The following TAFA2 variants were observed in gnomAD, a reference collection of about 807,000 sequenced individuals.
TAFA2 encodes the protein chemokine-like protein TAFA-2.
TAFA2 carries 7 observed loss-of-function variants against 18.8 expected under a neutral mutation model. The ratio of observed to expected loss-of-function variants is 0.37; its 90% CI spans 0.21 to 0.70. The LOEUF is 0.70. Ranked by LOEUF, TAFA2 falls within the 30% of genes least tolerant of loss-of-function variation. The pLI, the probability that TAFA2 is intolerant of heterozygous loss-of-function variation, is 0.53. For synonymous variants in TAFA2, 60 were observed against 54.2 expected, an observed-to-expected ratio of 1.11 and a Z score of -0.47; for missense variants, 122 against 158.1, an observed-to-expected ratio of 0.77 and a Z score of 1.23.
At chr12:61,815,617 C>T (rs1332151438) in intron 2 of TAFA2, among the ~76,000 whole-genome samples, 6 of 148,846 alleles carry the variant, frequency 4.0e-5, no homozygotes, top group African/African-American at 1.3e-4. Context: ...GAGCCGAGAT[C>T]GTGCCACTGC....
intron 1 of TAFA2, among the ~76,000 whole-genome samples, chr12:61,923,993 G>A (rs1877169796): frequency 6.6e-6 from 1 of 150,882 alleles, no homozygotes; most frequent in African/African-American, 2.4e-5. Context: ...ATCAGAGATT[G>A]AAGATCAACA....
intron 1 of TAFA2, among the ~76,000 whole-genome samples, chr12:61,947,249 T>C (rs1310551308): frequency 1.4e-5 from 2 of 145,496 alleles, no homozygotes; most frequent in African/African-American, 5.1e-5. Flanking sequence ...TAGGTGGGAA[T>C]TGAACAATGA....
At chr12:61,786,479 G>T (rs948586920) in intron 2 of TAFA2, among the ~76,000 whole-genome samples, 5 of 151,458 alleles carry the variant, frequency 3.3e-5, no homozygotes, top group Admixed American at 6.6e-5. Flanking sequence ...GTCCTATAAT[G>T]AAAATAAATT....
At chr12:61,849,731 T>C (rs1873562810) in intron 2 of TAFA2, among the ~76,000 whole-genome samples, 1 of 152,174 alleles carries the variant, frequency 6.6e-6, no homozygotes. Context: ...CTAGTGTGAC[T>C]GAACAAAAAT....
At chr12:61,744,137 C>G (rs186615003) in intron 4 of TAFA2, among the ~76,000 whole-genome samples, 1 of 152,174 alleles carries the variant, frequency 6.6e-6, no homozygotes, top group East Asian at 1.9e-4. Flanking sequence ...AGGTAAGAGA[C>G]AGAAATATTG....
At chr12:62,056,485 A>C (rs1882191003) in intron 1 of TAFA2, among the ~76,000 whole-genome samples, 1 of 152,244 alleles carries the variant, frequency 6.6e-6, no homozygotes, top group African/African-American at 2.4e-5. Context: ...AGTCAGTGAT[A>C]GTGTATTGGT....
intron 1 of TAFA2, among the ~76,000 whole-genome samples, chr12:61,876,719 A>G (rs1294465169): frequency 1.3e-5 from 2 of 152,122 alleles, no homozygotes; most frequent in Non-Finnish European, 2.9e-5. Flanking sequence ...AAAAAAAAAG[A>G]TAGTAGTTAT....
At chr12:61,932,248 T>C (rs535620552) in intron 1 of TAFA2, among the ~76,000 whole-genome samples, 123 of 152,290 alleles carry the variant, frequency 8.1e-4, no homozygotes, top group African/African-American at 2.8e-3. Flanking sequence ...ACTGGTGCCA[T>C]TTATGGCAAA....
intron 4 of TAFA2, among the ~76,000 whole-genome samples, chr12:61,731,093 G>A (rs1226306936): frequency 1.3e-5 from 2 of 152,058 alleles, no homozygotes; most frequent in African/African-American, 4.8e-5. Flanking sequence ...TGGGGACTGG[G>A]AGTACCTCCA....
At chr12:62,151,905 G>A (rs2062331340) in intron 1 of TAFA2, among the ~76,000 whole-genome samples, 1 of 152,202 alleles carries the variant, frequency 6.6e-6, no homozygotes. Flanking sequence ...CAGTTACCTA[G>A]TGAACTAGTG....
chr12:62,052,380 T>TG (rs1882080011), intron 1 of TAFA2, among the ~76,000 whole-genome samples: 2 of 152,070 alleles, frequency 1.3e-5, no homozygotes. Context: ...GTTGTACAGA[T>TG]GGAGTCTCAC....
intron 1 of TAFA2, among the ~76,000 whole-genome samples, chr12:62,239,678 G>C (rs569846082): frequency 1.3e-5 from 2 of 152,282 alleles, no homozygotes; most frequent in African/African-American, 4.8e-5. Flanking sequence ...GAGGCCATGT[G>C]TAAGTGATCC....
intron 1 of TAFA2, among the ~76,000 whole-genome samples, chr12:62,166,291 A>G (rs2062439304): frequency 6.6e-6 from 1 of 152,186 alleles, no homozygotes; most frequent in Non-Finnish European, 1.5e-5. Context: ...TGGTATAACA[A>G]TTGGCAGTTT....
intron 1 of TAFA2, among the ~76,000 whole-genome samples, chr12:62,045,651 T>C (rs1881890017): frequency 6.6e-6 from 1 of 152,194 alleles, no homozygotes; most frequent in Admixed American, 6.5e-5. Context: ...AGTAGCCTAA[T>C]GCTAAAGTGT....
chr12:61,936,107 AAC>A (rs1234622100), intron 1 of TAFA2, among the ~76,000 whole-genome samples: 1 of 152,176 alleles, frequency 6.6e-6, no homozygotes, highest in Non-Finnish European at 1.5e-5. Flanking sequence ...CTAAACCAAT[AAC>A]ACATAAAAAA....
At chr12:61,962,734 G>A (rs182315447) in intron 1 of TAFA2, among the ~76,000 whole-genome samples, 26 of 151,826 alleles carry the variant, frequency 1.7e-4, no homozygotes, top group Admixed American at 1.5e-3. Context: ...ATATGTTCCC[G>A]GTCTCATCTG....
chr12:61,937,831 T>A (rs1451459461), intron 1 of TAFA2, among the ~76,000 whole-genome samples: 2 of 152,052 alleles, frequency 1.3e-5, no homozygotes, highest in Non-Finnish European at 2.9e-5. Context: ...AAAAAGCTTT[T>A]GTACAGCAAA....
chr12:62,224,733 A>G (rs1678032349), intron 1 of TAFA2, among the ~76,000 whole-genome samples: 1 of 152,134 alleles, frequency 6.6e-6, no homozygotes, highest in Non-Finnish European at 1.5e-5. Context: ...TAATGGGTTC[A>G]GACTTTCAGT....
At chr12:62,073,111 C>T (rs1007880598) in intron 1 of TAFA2, among the ~76,000 whole-genome samples, 1 of 152,168 alleles carries the variant, frequency 6.6e-6, no homozygotes, top group Non-Finnish European at 1.5e-5. Flanking sequence ...GTGCCATATC[C>T]AGTTTATAGT....
Sources: allele counts gnomAD v4.1 joint callset (sites outside exome capture counted in the v4.1 genomes callset), GRCh38; gene constraint gnomAD v4.1.1; transcripts MANE v1.5; gene names NCBI Gene and HGNC (gene_info 2026-07-23, HGNC 2026-07-21).